NRG1: variants seen among roughly 807,000 people sequenced by gnomAD.
NRG1 encodes pro-neuregulin-1, membrane-bound isoform.
Under a neutral mutation model 63.8 loss-of-function variants are expected in NRG1, and 18 were observed. The observed-to-expected ratio is 0.28, with a 90% confidence interval of 0.19 to 0.42. The LOEUF is 0.42. Among genes scored for constraint, NRG1 ranks in the 10% least tolerant of loss-of-function variants. NRG1 has a pLI of 1.00. For synonymous variants in NRG1, 302 were observed against 301.3 expected (o/e 1.00, Z -0.02); for missense variants, 762 against 814.7 (o/e 0.94, Z 0.79).
At chr8:32,217,526 G>A (rs2132448369) in intron 1 of NRG1, among the ~76,000 whole-genome samples, 1 of 152,200 alleles carries the variant, frequency 6.6e-6, no homozygotes, top group African/African-American at 2.4e-5. Context: ...TCTACTGCAA[G>A]AAAAAACTGG....
chr8:32,550,910 C>CT (rs1429036454), intron 1 of NRG1, among the ~76,000 whole-genome samples: 4 of 152,094 alleles, frequency 2.6e-5, no homozygotes, highest in Non-Finnish European at 4.4e-5. Context: ...AGATTATAAT[C>CT]TTTTTTGGGG....
chr8:32,077,598 A>G (rs1025464978), intron 1 of NRG1, among the ~76,000 whole-genome samples: 2 of 152,164 alleles, frequency 1.3e-5, no homozygotes, highest in African/African-American at 2.4e-5. Flanking sequence ...TTGCTTTTGA[A>G]ATTTTAAAAA....
chr8:31,847,853 C>G (rs1826835927), intron 1 of NRG1, among the ~76,000 whole-genome samples: 1 of 152,194 alleles, frequency 6.6e-6, no homozygotes, highest in Non-Finnish European at 1.5e-5. Context: ...CAATCCATAA[C>G]ATTGAACATA....
chr8:31,701,210 C>G (rs1434118462), intron 1 of NRG1, among the ~76,000 whole-genome samples: 1 of 151,956 alleles, frequency 6.6e-6, no homozygotes, highest in African/African-American at 2.4e-5. Context: ...TTGGTCTAGT[C>G]CAAGTAATTA....
chr8:32,486,627 A>ATTTTTTT (rs1554557143), intron 1 of NRG1, among the ~76,000 whole-genome samples: 8 of 145,518 alleles, frequency 5.5e-5, no homozygotes, highest in African/African-American at 2.1e-4. Flanking sequence ...GAATTGCTGG[A>ATTTTTTT]TTTTTTTTTT....
chr8:31,798,574 T>G (rs1483152066), intron 1 of NRG1, among the ~76,000 whole-genome samples: 1 of 152,198 alleles, frequency 6.6e-6, no homozygotes, highest in Non-Finnish European at 1.5e-5. Context: ...TTTCCTCCAT[T>G]TGCTTAGGAA....
At chr8:32,085,182 C>T (rs1241400658) in intron 1 of NRG1, among the ~76,000 whole-genome samples, 1 of 152,156 alleles carries the variant, frequency 6.6e-6, no homozygotes, top group Non-Finnish European at 1.5e-5. Context: ...TATATCCACT[C>T]GCCCATAGGA....
At chr8:32,372,021 C>G (rs1331496470) in intron 1 of NRG1, among the ~76,000 whole-genome samples, 3 of 108,180 alleles carry the variant, frequency 2.8e-5, no homozygotes, top group Middle Eastern at 6.0e-3. Flanking sequence ...AAGGGTTGTG[C>G]CATGTCACCC....
chr8:32,738,187 C>T (rs1002703795), intron 6 of NRG1, among the ~76,000 whole-genome samples: 2 of 151,980 alleles, frequency 1.3e-5, no homozygotes, highest in Non-Finnish European at 2.9e-5. Context: ...TGAAAGAGGT[C>T]AGGATAGGGT....
intron 1 of NRG1, among the ~76,000 whole-genome samples, chr8:31,830,176 T>A (rs1824968710): frequency 6.6e-6 from 1 of 152,134 alleles, no homozygotes; most frequent in South Asian, 2.1e-4. Flanking sequence ...AAAAAAAGAA[T>A]GAATGAATGA....
chr8:31,766,307 C>T (rs1340275938), intron 1 of NRG1, among the ~76,000 whole-genome samples: 1 of 152,104 alleles, frequency 6.6e-6, no homozygotes, highest in East Asian at 1.9e-4. Flanking sequence ...CCTGAGCTGT[C>T]GTAGATAAGT....
At chr8:32,366,140 G>GT (rs1160911271) in intron 1 of NRG1, among the ~76,000 whole-genome samples, 1 of 152,064 alleles carries the variant, frequency 6.6e-6, no homozygotes, top group African/African-American at 2.4e-5. Flanking sequence ...TGAGTTTGGG[G>GT]TTTTTTAAAA....
chr8:32,600,477 AAAACT>A (rs1274244052), intron 2 of NRG1, among the ~76,000 whole-genome samples: 1 of 152,172 alleles, frequency 6.6e-6, no homozygotes, highest in Non-Finnish European at 1.5e-5. Context: ...GAGTTAAAAT[AAAACT>A]AAACTAAATA....
At chr8:31,668,266 G>T (rs184199700) in intron 1 of NRG1, among the ~76,000 whole-genome samples, 1 of 152,142 alleles carries the variant, frequency 6.6e-6, no homozygotes, top group South Asian at 2.1e-4. Flanking sequence ...GGCAATAATG[G>T]AAATTTATTT....
chr8:31,857,894 C>T (rs1828076839), intron 1 of NRG1, among the ~76,000 whole-genome samples: 1 of 152,118 alleles, frequency 6.6e-6, no homozygotes, highest in Admixed American at 6.5e-5. Flanking sequence ...AGTGGTGATT[C>T]AAGAAGTTTT....
chr8:31,944,398 G>T (rs1189429053), intron 1 of NRG1, among the ~76,000 whole-genome samples: 1 of 152,174 alleles, frequency 6.6e-6, no homozygotes, highest in Non-Finnish European at 1.5e-5. Flanking sequence ...AGAACGATAT[G>T]CAGAGAAGTG....
At chr8:32,749,460 C>T in intron 7 of NRG1, 1 of 1,176,088 alleles carries the variant, frequency 8.5e-7, no homozygotes, top group Admixed American at 1.7e-5. Flanking sequence ...CACAGAGAGC[C>T]ATAATAGTCA....
At chr8:31,789,133 G>T (rs549193276) in intron 1 of NRG1, among the ~76,000 whole-genome samples, 1 of 152,246 alleles carries the variant, frequency 6.6e-6, no homozygotes, top group Non-Finnish European at 1.5e-5. Flanking sequence ...TAACATAAAA[G>T]GTTAGAAAAC....
At chr8:32,627,803 C>T (rs974954798) in intron 5 of NRG1, among the ~76,000 whole-genome samples, 1 of 152,164 alleles carries the variant, frequency 6.6e-6, no homozygotes, top group Admixed American at 6.5e-5. Flanking sequence ...CCTGTATGAT[C>T]ATTCCTCCCT....
Sources: gnomAD v4.1 joint callset for allele counts (sites outside exome capture counted in the v4.1 genomes callset) on GRCh38, gnomAD v4.1.1 for gene constraint, MANE v1.5 for transcripts, NCBI Gene and HGNC (gene_info 2026-07-23, HGNC 2026-07-21) for gene names.